GINS3: variants seen among roughly 807,000 people sequenced by gnomAD.
GINS3 encodes DNA replication complex GINS protein PSF3.
Under a neutral mutation model 20.0 loss-of-function variants are expected in GINS3, and 18 were observed. That is an observed-to-expected ratio of 0.90 (90% CI 0.62 to 1.33). The LOEUF (loss-of-function observed/expected upper bound fraction) is 1.33, where lower values mean the gene tolerates loss of function less well. GINS3 is among the 40% of genes most tolerant of loss of function. The pLI is 0.00. For missense variants in GINS3, 254 were observed against 273.6 expected (o/e 0.93, Z 0.51); for synonymous variants, 109 against 107.0 (o/e 1.02, Z -0.12).
chr16:58,392,875 G>A, intron 1 of GINS3, 88 bp downstream of exon 1: 2 of 1,344,414 alleles, frequency 1.5e-6, no homozygotes, highest in Non-Finnish European at 2.0e-6. Context: ...GGGGCGCGCT[G>A]CCCTTTGGGA....
chr16:58,395,833 A>G (rs1234592881), intron 1 of GINS3, among the ~76,000 whole-genome samples: 1 of 152,078 alleles, frequency 6.6e-6, no homozygotes, highest in Admixed American at 6.5e-5. Context: ...GCCCGTTCTC[A>G]ATGAGCTGTT....
At chr16:58,398,176 C>G (rs546858803) in intron 1 of GINS3, among the ~76,000 whole-genome samples, 1 of 151,966 alleles carries the variant, frequency 6.6e-6, no homozygotes, top group African/African-American at 2.4e-5. Flanking sequence ...AGATGGAAAC[C>G]TAGGTCATTA....
Position 58,392,516 on chromosome 16 carries a change from T to A in GINS3, c.-86T>A. The A allele has an allele frequency of 3.5e-6, 5 of 1,448,284 alleles. No homozygotes were observed. The highest frequency in any genetic ancestry group is 4.7e-6 in the Non-Finnish European group (5 of 1,055,358). 89.7% of individuals were successfully genotyped at this position (1,448,284 alleles called of 1,614,324 possible). On this transcript the variant is annotated 5_prime_UTR_variant, in exon 1 of 3. Coordinates refer to ENST00000318129, the MANE Select transcript of GINS3 (RefSeq NM_022770.4). ...TCCTGACCCCAACCATCCTGCCCAGTCTCCGCTTCCCCGTCTTGTACACCC... is the reference window on the plus strand; with the variant it reads ...TCCTGACCCCAACCATCCTGCCCAGACTCCGCTTCCCCGTCTTGTACACCC...
chr16:58,401,949 AT>A (rs1171210836), intron 1 of GINS3, among the ~76,000 whole-genome samples: 1 of 152,118 alleles, frequency 6.6e-6, no homozygotes, highest in African/African-American at 2.4e-5. Context: ...ATTTTGGATA[AT>A]ATATAGCTAT....
At chr16:58,393,281 A>G (rs1965807893) in intron 1 of GINS3, among the ~76,000 whole-genome samples, 1 of 152,190 alleles carries the variant, frequency 6.6e-6, no homozygotes, top group Non-Finnish European at 1.5e-5. Flanking sequence ...TAGTGGCAGC[A>G]TGGTTGGGTG....
intron 1 of GINS3, among the ~76,000 whole-genome samples, chr16:58,394,068 G>T (rs867179910): frequency 2.0e-5 from 3 of 151,846 alleles, no homozygotes; most frequent in African/African-American, 7.3e-5. Context: ...TGAGGATTTC[G>T]TTCCCATACA....
chr16:58,403,521 AT>A, intron 2 of GINS3, 190 bp downstream of exon 2: 1 of 545,302 alleles, frequency 1.8e-6, no homozygotes, highest in Non-Finnish European at 3.2e-6. Flanking sequence ...ACACACACAC[AT>A]TTTTTTAATA....
rs371591519 is a variant in GINS3, at chr16:58,403,492, T to TACACACACAC, written c.420+162_420+163insCACACACACA. 4.6e-4 allele frequency: 274 copies of TACACACACAC among 594,102 alleles called. 1 individual carries two copies. The highest frequency in any genetic ancestry group is 1.3e-3 in the African/African-American group (67 of 52,628). 36.8% of individuals were successfully genotyped at this position (594,102 alleles called of 1,614,324 possible). A position where few individuals can be genotyped will look rare whatever the true frequency, so the allele number is the denominator to read the frequency against. On this transcript the variant is annotated intron_variant, in intron 2 of 2. Transcript: ENST00000318129. ...TCTGTCCATTTTATATATTTACATA[T>TACACACACAC]ATACACACACACACACACACACACA...
chr16:58,397,483 C>T (rs183170763), intron 1 of GINS3, among the ~76,000 whole-genome samples: 15 of 151,900 alleles, frequency 9.9e-5, no homozygotes, highest in East Asian at 5.8e-4. Flanking sequence ...TGTATCGAGC[C>T]GAGATCACGC....
Position 58,404,863 on chromosome 16 carries a change from T to C in GINS3, c.*134T>C, listed in dbSNP as rs1034425507. 1.5e-6 allele frequency: 1 copy of C among 686,448 alleles called. No homozygotes were observed. The highest frequency in any genetic ancestry group is 1.8e-5 in the South Asian group (1 of 54,268). 42.5% of individuals were successfully genotyped at this position (686,448 alleles called of 1,614,324 possible). A position where few individuals can be genotyped will look rare whatever the true frequency, so the allele number is the denominator to read the frequency against. Reference sequence around the variant, plus strand: ...TATTTCCTGTGGCCATAGAGAATTATAGGGAACTGGACATGCTGGAGGATG... The same window carrying C: ...TATTTCCTGTGGCCATAGAGAATTACAGGGAACTGGACATGCTGGAGGATG... On this transcript the variant is annotated 3_prime_UTR_variant, in exon 3 of 3. Transcript: ENST00000318129.
intron 1 of GINS3, among the ~76,000 whole-genome samples, chr16:58,398,664 C>A (rs746507545): frequency 1.3e-5 from 2 of 152,172 alleles, no homozygotes; most frequent in African/African-American, 2.4e-5. Context: ...TTTTAAAATA[C>A]TGTTTAAAAT....
intron 1 of GINS3, among the ~76,000 whole-genome samples, chr16:58,395,904 G>A (rs1427226424): frequency 1.3e-5 from 2 of 151,754 alleles, no homozygotes; most frequent in Non-Finnish European, 2.9e-5. Context: ...CCCAGTAGGG[G>A]CGGCCGGGCA....
At chr16:58,402,964 G>A in intron 1 of GINS3, 134 bp from the exon 2 acceptor site, 1 of 665,382 alleles carries the variant, frequency 1.5e-6, no homozygotes, top group Non-Finnish European at 2.6e-6. Context: ...TCACGACCAG[G>A]TCTTCTGTGC....
In GINS3 at chr16:58,392,499, C is replaced by G; in HGVS notation, c.-103C>G. 1 of 1,330,156 alleles carries G rather than the reference C, an allele frequency of 7.5e-7. No homozygotes were observed. Among genetic ancestry groups the G allele is most frequent in the Non-Finnish European group, 1.0e-6 (1 of 958,158 alleles). 82.4% of individuals were successfully genotyped at this position (1,330,156 alleles called of 1,614,324 possible). On this transcript the variant is annotated 5_prime_UTR_variant, in exon 1 of 3. Transcript: ENST00000318129. ...CGAGTTTCAATCCACTTTCCTGACC[C>G]CAACCATCCTGCCCAGTCTCCGCTT...
intron 1 of GINS3, among the ~76,000 whole-genome samples, chr16:58,395,530 C>T (rs1271978055): frequency 6.6e-6 from 1 of 151,802 alleles, no homozygotes; most frequent in Non-Finnish European, 1.5e-5. Context: ...GTGGTGATGA[C>T]TCTTAACGAG....
chr16:58,395,062 G>A, intron 1 of GINS3: 2 of 538,310 alleles, frequency 3.7e-6, no homozygotes, highest in Non-Finnish European at 6.5e-6. Flanking sequence ...CTAAAACTTT[G>A]ACCATTTTAT....
In GINS3 at chr16:58,397,047, C is replaced by T. The variant is rs539166066; in HGVS notation, c.186+4260C>T. On this transcript the variant is annotated intron_variant, in intron 1 of 2. Transcript: ENST00000318129. ...CCCCCCACCTCCCTTCCGGACAGGG[C>T]GGCTGGCCGGGCGGGGGGCTGACCC... Among the ~76,000 whole-genome samples the T allele has an allele frequency of 7.7e-3, 1,142 of 148,402 alleles. 11 individuals carry two copies. Among genetic ancestry groups the T allele is most frequent in the African/African-American group, 0.028 (1,102 of 39,334 alleles).
At position 58,404,484 on chromosome 16, in the gene GINS3, T is replaced by C. The variant is rs774950839; in HGVS notation, c.421-15T>C. 3 of 1,590,514 alleles carry C rather than the reference T, an allele frequency of 1.9e-6. No individual in the cohort carries two copies. The highest frequency in any genetic ancestry group is 2.6e-6 in the Non-Finnish European group (3 of 1,158,730). ...TGAGGTCAACCCTGACTTGTCTTAC[T>C]CCCTTGTTTCCCAGACTTTTATCGG... is the stretch of plus-strand genomic sequence containing the variant. On this transcript the variant is annotated splice_polypyrimidine_tract_variant and intron_variant, in intron 2 of 2. Transcript: ENST00000318129.
At chr16:58,394,048 TC>T (rs1365470264) in intron 1 of GINS3, among the ~76,000 whole-genome samples, 6 of 152,158 alleles carry the variant, frequency 3.9e-5, no homozygotes, top group Admixed American at 2.0e-4. Flanking sequence ...GTTGACTTCA[TC>T]CTAGCAGATG....
Sources: allele counts gnomAD v4.1 joint callset (sites outside exome capture counted in the v4.1 genomes callset), GRCh38; gene constraint gnomAD v4.1.1; transcripts MANE v1.5; gene names NCBI Gene and HGNC (gene_info 2026-07-23, HGNC 2026-07-21).